Variants in CADM2 observed in about 807,000 individuals in gnomAD.
The protein encoded by CADM2 is cell adhesion molecule 2, also known as immunoglobulin superfamily member 4D.
CADM2 carries 12 observed loss-of-function variants against 49.8 expected under a neutral mutation model. That is an observed-to-expected ratio of 0.24 (90% confidence interval 0.15 to 0.39). The LOEUF is 0.39. Ranked by LOEUF, CADM2 falls within the 10% of genes least tolerant of loss-of-function variation. The probability of loss-of-function intolerance (pLI) is 1.00; values close to 1 mark genes in which losing one functional copy is unlikely to be tolerated. For missense variants in CADM2, 378 were observed against 492.3 expected, an observed-to-expected ratio of 0.77 and a Z score of 2.20; for synonymous variants, 214 against 175.4, an observed-to-expected ratio of 1.22 and a Z score of -1.74.
At chr3:85,208,146 A>G (rs2041695938) in intron 1 of CADM2, among the ~76,000 whole-genome samples, 1 of 152,168 alleles carries the variant, frequency 6.6e-6, no homozygotes, top group African/African-American at 2.4e-5. Flanking sequence ...CACTTTTTAC[A>G]TTATTGATAT....
intron 1 of CADM2, among the ~76,000 whole-genome samples, chr3:85,564,023 TG>T (rs1193394515): frequency 6.6e-6 from 1 of 152,186 alleles, no homozygotes; most frequent in Non-Finnish European, 1.5e-5. Flanking sequence ...TTTAATTGTT[TG>T]TTTTGCCTTT....
In CADM2 at chr3:86,063,712, A is replaced by G. The variant is rs1014374450; in HGVS notation, c.971-1893A>G. Among the ~76,000 whole-genome samples the G allele has an allele frequency of 3.3e-5, 5 of 152,350 alleles. 1 individual carries two copies. The East Asian group carries it at 9.6e-4, about 29-fold the overall frequency. On this transcript the variant is annotated intron_variant, in intron 8 of 9. Transcript: ENST00000383699. ...GACACAGCAGTTACATTAAAAATAC[A>G]GAAGACTCACAATCTATTTGTCAGA...
chr3:85,868,206 A>G (rs1015554406), intron 3 of CADM2, among the ~76,000 whole-genome samples: 1 of 152,050 alleles, frequency 6.6e-6, no homozygotes, highest in Non-Finnish European at 1.5e-5. Context: ...TAGATACCAT[A>G]TTGAACATTT....
At chr3:85,969,503 T>C (rs1027506382) in intron 8 of CADM2, among the ~76,000 whole-genome samples, 19 of 151,374 alleles carry the variant, frequency 1.3e-4, no homozygotes, top group African/African-American at 4.1e-4. Flanking sequence ...GCCTTTTTTT[T>C]CCATTACCAT....
At chr3:85,195,942 T>A (rs1014040932) in intron 1 of CADM2, among the ~76,000 whole-genome samples, 1 of 152,138 alleles carries the variant, frequency 6.6e-6, no homozygotes, top group Non-Finnish European at 1.5e-5. Flanking sequence ...AATAAAGTTA[T>A]TTTATTTTTG....
chr3:85,941,662 G>A (rs892608422), intron 7 of CADM2, among the ~76,000 whole-genome samples: 1 of 151,976 alleles, frequency 6.6e-6, no homozygotes, highest in African/African-American at 2.4e-5. Context: ...AGGAACAGAA[G>A]GAATTAAGAT....
intron 1 of CADM2, among the ~76,000 whole-genome samples, chr3:84,966,517 C>G (rs1406996269): frequency 6.6e-6 from 1 of 151,690 alleles, no homozygotes; most frequent in African/African-American, 2.4e-5. Context: ...CAACGATTAA[C>G]AAGACTTCCA....
intron 1 of CADM2, among the ~76,000 whole-genome samples, chr3:85,328,660 C>T (rs1382020989): frequency 6.6e-6 from 1 of 152,118 alleles, no homozygotes; most frequent in African/African-American, 2.4e-5. Flanking sequence ...TTGGATGTTG[C>T]AAGCTCAAAT....
intron 1 of CADM2, among the ~76,000 whole-genome samples, chr3:85,195,684 A>C (rs2107734334): frequency 6.6e-6 from 1 of 152,118 alleles, no homozygotes; most frequent in Middle Eastern, 3.4e-3. Flanking sequence ...ATGTGTTAAA[A>C]AGCTGAGTGA....
chr3:85,598,302 A>G lies in CADM2; in HGVS notation c.62-128220A>G, dbSNP rs1282926824. 4.0e-5 allele frequency among the ~76,000 whole-genome samples: 6 copies of G among 151,510 alleles called. No homozygotes were observed. In the South Asian group the frequency reaches 1.3e-3, roughly 32 times the overall value. On this transcript the variant is annotated intron_variant, in intron 1 of 9. Coordinates refer to ENST00000383699, the MANE Select transcript of CADM2 (RefSeq NM_001167675.2). ...CATACACCTTCCCATCAAGCCAAAC[A>G]CTGGAGACCTAGAAACGTGAAGAAA... is the stretch of plus-strand genomic sequence containing the variant.
intron 1 of CADM2, among the ~76,000 whole-genome samples, chr3:84,998,366 C>T (rs1432463134): frequency 1.3e-5 from 2 of 152,000 alleles, no homozygotes; most frequent in South Asian, 2.1e-4. Context: ...ATATGTTCTC[C>T]GGAGCAAGTA....
intron 1 of CADM2, among the ~76,000 whole-genome samples, chr3:85,026,932 C>T (rs1021240064): frequency 6.6e-6 from 1 of 151,704 alleles, no homozygotes; most frequent in African/African-American, 2.4e-5. Context: ...ATTTTATGTA[C>T]TACTTTTAGC....
chr3:85,707,559 C>T (rs1313741018), intron 1 of CADM2, among the ~76,000 whole-genome samples: 4 of 151,964 alleles, frequency 2.6e-5, no homozygotes, highest in Non-Finnish European at 5.9e-5. Flanking sequence ...TACATCTGCA[C>T]TGAAAAATCT....
intron 1 of CADM2, among the ~76,000 whole-genome samples, chr3:85,527,146 G>T (rs778332961): frequency 4.9e-4 from 75 of 152,038 alleles, no homozygotes; most frequent in Non-Finnish European, 1.5e-4. Flanking sequence ...AGCACCGTGG[G>T]ATGCCAGGAA....
At chr3:85,786,123 T>C (rs1421100674) in intron 2 of CADM2, among the ~76,000 whole-genome samples, 1 of 152,052 alleles carries the variant, frequency 6.6e-6, no homozygotes, top group Non-Finnish European at 1.5e-5. Flanking sequence ...GCAACTATTC[T>C]CCAGAATCTG....
At chr3:85,489,626 A>G (rs2039575632) in intron 1 of CADM2, among the ~76,000 whole-genome samples, 1 of 151,922 alleles carries the variant, frequency 6.6e-6, no homozygotes, top group Non-Finnish European at 1.5e-5. Context: ...CACAATGTGC[A>G]CATGTACCCT....
intron 1 of CADM2, among the ~76,000 whole-genome samples, chr3:85,517,307 G>A (rs2060927902): frequency 6.6e-6 from 1 of 151,956 alleles, no homozygotes; most frequent in South Asian, 2.1e-4. Flanking sequence ...AATAATAAAA[G>A]TTCTGGATCT....
At chr3:85,468,992 G>A (rs1391070219) in intron 1 of CADM2, among the ~76,000 whole-genome samples, 2 of 152,048 alleles carry the variant, frequency 1.3e-5, no homozygotes, top group South Asian at 2.1e-4. Context: ...TCATGGGGAG[G>A]GAAAATAATT....
intron 8 of CADM2, among the ~76,000 whole-genome samples, chr3:85,962,870 C>T (rs1577795157): frequency 6.6e-6 from 1 of 151,980 alleles, no homozygotes; most frequent in East Asian, 2.0e-4. Flanking sequence ...AATCGTGGAT[C>T]TTAGAAACTA....
Sources: gnomAD v4.1 joint callset for allele counts (sites outside exome capture counted in the v4.1 genomes callset) on GRCh38, gnomAD v4.1.1 for gene constraint, MANE v1.5 for transcripts, NCBI Gene and HGNC (gene_info 2026-07-23, HGNC 2026-07-21) for gene names.